The following FAM135A variants were observed in gnomAD, a reference collection of about 807,000 sequenced individuals.
The protein encoded by FAM135A is family with sequence similarity 135 member A.
In FAM135A, 79 loss-of-function variants were observed where a neutral mutation model predicts 146.8. The ratio of observed to expected loss-of-function variants is 0.54; its 90% CI spans 0.45 to 0.65. FAM135A has a LOEUF of 0.65. Ranked by LOEUF, FAM135A falls within the 30% of genes least tolerant of loss-of-function variation. The pLI is 0.00. For synonymous variants in FAM135A, 562 were observed against 603.6 expected (o/e 0.93, Z 1.01); for missense variants, 1,623 against 1,758.2 (o/e 0.92, Z 1.38).
At chr6:70,440,242 G>A (rs914094532) in intron 4 of FAM135A, among the ~76,000 whole-genome samples, 1 of 152,118 alleles carries the variant, frequency 6.6e-6, no homozygotes, top group Non-Finnish European at 1.5e-5. Flanking sequence ...TCAGAGGACA[G>A]GTAATTTCTG....
At chr6:70,500,580 G>T (rs2128245077) in intron 11 of FAM135A, among the ~76,000 whole-genome samples, 1 of 152,292 alleles carries the variant, frequency 6.6e-6, no homozygotes. Flanking sequence ...GGAATTTTCA[G>T]CACTTTTGCA....
At chr6:70,435,639 C>A (rs936223470) in intron 4 of FAM135A, among the ~76,000 whole-genome samples, 2 of 152,076 alleles carry the variant, frequency 1.3e-5, no homozygotes. Flanking sequence ...CCTGCCTCAG[C>A]CTCCTGAGTA....
chr6:70,532,869 T>C (rs939821514), intron 16 of FAM135A, among the ~76,000 whole-genome samples: 5 of 151,590 alleles, frequency 3.3e-5, no homozygotes, highest in African/African-American at 1.2e-4. Flanking sequence ...GAGGCGGAGG[T>C]TGCAGTGAGT....
At chr6:70,545,482 G>T (rs1214311812) in intron 20 of FAM135A, among the ~76,000 whole-genome samples, 1 of 151,986 alleles carries the variant, frequency 6.6e-6, no homozygotes, top group East Asian at 1.9e-4. Flanking sequence ...CAGTGTGGTG[G>T]CGCACACCTG....
rs537784554 is a variant in FAM135A, at chr6:70,482,921, ATT to A, written c.823+768_823+769del. ...ATATATTTTAATTTCTTTAGAATAT[ATT>A]GTTTTATAAGTTTTTTAATAAATCA... On this transcript the variant is annotated intron_variant, in intron 10 of 21. Transcript: ENST00000418814. 1.2e-3 allele frequency among the ~76,000 whole-genome samples: 174 copies of A among 141,908 alleles called. 1 individual carries two copies. The highest frequency in any genetic ancestry group is 1.6e-3 in the Non-Finnish European group (96 of 61,908). 93.1% of individuals were successfully genotyped at this position (141,908 alleles called of 152,430 possible). A position where few individuals can be genotyped will look rare whatever the true frequency, so the allele number is the denominator to read the frequency against.
At chr6:70,538,422 T>C (rs769896477) in intron 20 of FAM135A, 21 bp downstream of exon 20, 2 of 1,333,776 alleles carry the variant, frequency 1.5e-6, no homozygotes, top group Non-Finnish European at 2.0e-6. Context: ...AATAACAGTT[T>C]GGAAAATATA....
At chr6:70,480,662 C>G (rs149671716) in intron 8 of FAM135A, among the ~76,000 whole-genome samples, 340 of 152,242 alleles carry the variant, frequency 2.2e-3, no homozygotes, top group Non-Finnish European at 3.8e-3. Context: ...TTCTTTGAGA[C>G]TTCCAGAAGT....
intron 4 of FAM135A, among the ~76,000 whole-genome samples, chr6:70,448,530 G>A (rs912730611): frequency 6.6e-6 from 1 of 152,066 alleles, no homozygotes; most frequent in East Asian, 1.9e-4. Context: ...CTGGATTCGA[G>A]CCCCCGTGAT....
At chr6:70,558,856 A>G (rs1311751737) in intron 21 of FAM135A, among the ~76,000 whole-genome samples, 1 of 152,100 alleles carries the variant, frequency 6.6e-6, no homozygotes, top group Non-Finnish European at 1.5e-5. Context: ...AGGAGAGAGG[A>G]ACACAAGTAC....
At chr6:70,519,047 G>C (rs1444887283) in intron 12 of FAM135A, among the ~76,000 whole-genome samples, 2 of 152,140 alleles carry the variant, frequency 1.3e-5, no homozygotes, top group Non-Finnish European at 2.9e-5. Context: ...AAAACTTTTG[G>C]GAAAAAATCA....
chr6:70,479,245 C>T (rs1465983343), intron 8 of FAM135A, among the ~76,000 whole-genome samples: 2 of 152,132 alleles, frequency 1.3e-5, no homozygotes, highest in Admixed American at 1.3e-4. Context: ...ACATCACCAT[C>T]GTAGTGAGTT....
chr6:70,532,336 G>A (rs1363067840), intron 16 of FAM135A, among the ~76,000 whole-genome samples: 1 of 152,056 alleles, frequency 6.6e-6, no homozygotes, highest in Non-Finnish European at 1.5e-5. Context: ...GAACACTTGT[G>A]TCTTATATCT....
intron 5 of FAM135A, among the ~76,000 whole-genome samples, chr6:70,465,163 G>A (rs998615443): frequency 1.3e-5 from 2 of 151,960 alleles, no homozygotes; most frequent in African/African-American, 4.8e-5. Flanking sequence ...ATTTCACTTA[G>A]CATAATGTCC....
rs1801719808 is a variant in FAM135A at position 70,560,510 on chromosome 6, T to G, written c.*589T>G. 1 of 152,606 alleles carries G rather than the reference T, an allele frequency of 6.6e-6. No individual in the cohort carries two copies. The allele number at this position is 152,606 out of a possible 1,614,324, so 9.5% of individuals were successfully genotyped here. A position where few individuals can be genotyped will look rare whatever the true frequency, so the allele number is the denominator to read the frequency against. ...TTTCTATAAAGTCATTACTGTTGCT[T>G]AAACATATTTCATGCCTATTAAAAT... On this transcript the variant is annotated 3_prime_UTR_variant, in exon 22 of 22. Transcript: ENST00000418814.
chr6:70,520,239 TAGTA>T (rs1439478854), intron 12 of FAM135A, among the ~76,000 whole-genome samples: 1 of 151,748 alleles, frequency 6.6e-6, no homozygotes, highest in African/African-American at 2.4e-5. Flanking sequence ...TTGTATCAAC[TAGTA>T]AGTATAAATC....
chr6:70,525,850 A>G lies in FAM135A; in HGVS notation c.2766A>G (p.Gln922=), dbSNP rs1172346612. The G allele has an allele frequency of 6.2e-7, 1 of 1,611,380 alleles. No individual in the cohort carries two copies. The highest frequency in any genetic ancestry group is 8.5e-7 in the Non-Finnish European group (1 of 1,179,134). ...ATTCAAGCATTAAAGACCCTTTACA[A>G]TTTGTTTTTTCAGATGAAGAGACTT... The part of the protein sequence containing the change: ...SLNSSIKDPL[Q]FVFSDEETSS... Residue 922 remains glutamine, a synonymous_variant, in exon 15 of 22, where the codon CAA becomes CAG. Coordinates refer to ENST00000418814, the MANE Select transcript of FAM135A (RefSeq NM_001162529.3).
At chr6:70,488,467 C>G (rs1056671023) in intron 10 of FAM135A, among the ~76,000 whole-genome samples, 1 of 7,262 alleles carries the variant, frequency 1.4e-4, no homozygotes, top group African/African-American at 4.0e-4. Context: ...AGAGCCAAGC[C>G]CCCCCCCCCA....
At position 70,525,256 on chromosome 6, in the gene FAM135A, T is replaced by C; in HGVS notation, c.2172T>C (p.Ser724=). The C allele has an allele frequency of 6.2e-7, 1 of 1,600,320 alleles. No individual in the cohort carries two copies. Residue 724 remains serine, a synonymous_variant, in exon 15 of 22, where the codon TCT becomes TCC. Coordinates refer to ENST00000418814, the MANE Select transcript of FAM135A (RefSeq NM_001162529.3). ...CTTTGCAAGAAGCAAAGTGTCTTTCTATTGGAGAATCATTAACTAAATTAC... is the reference window on the plus strand; with the variant it reads ...CTTTGCAAGAAGCAAAGTGTCTTTCCATTGGAGAATCATTAACTAAATTAC... ...KEALQEAKCL[S]IGESLTKLRS... is the part of the protein sequence containing the mutation.
chr6:70,552,438 G>A (rs575928287), intron 20 of FAM135A, among the ~76,000 whole-genome samples: 2 of 150,738 alleles, frequency 1.3e-5, no homozygotes, highest in South Asian at 2.1e-4. Context: ...GCAAGAGGAG[G>A]TAGTAAAGGG....
Sources: allele counts gnomAD v4.1 joint callset (sites outside exome capture counted in the v4.1 genomes callset), GRCh38; gene constraint gnomAD v4.1.1; transcripts MANE v1.5; gene names NCBI Gene and HGNC (gene_info 2026-07-23, HGNC 2026-07-21).